Variants in CSMD1 observed in about 807,000 individuals in gnomAD.
CSMD1 encodes the protein CUB and Sushi multiple domains 1, also known as CUB and sushi domain-containing protein 1.
A neutral mutation model predicts 417.5 loss-of-function variants in CSMD1; 213 were observed. That is an observed-to-expected ratio of 0.51 (90% CI 0.46 to 0.57). The LOEUF (loss-of-function observed/expected upper bound fraction) is 0.57. Ranked by LOEUF, CSMD1 falls within the 20% of genes least tolerant of loss-of-function variation. The pLI is 0.00. For synonymous variants in CSMD1, 2,862 were observed against 1,736.8 expected, an observed-to-expected ratio of 1.65 and a Z score of -16.11; for missense variants, 6,923 against 4,529.7, an observed-to-expected ratio of 1.53 and a Z score of -15.17.
At chr8:3,244,327 C>G (rs898097630) in intron 26 of CSMD1, among the ~76,000 whole-genome samples, 3 of 152,192 alleles carry the variant, frequency 2.0e-5, no homozygotes, top group African/African-American at 4.8e-5. Flanking sequence ...ATTTAGGAAT[C>G]AGGCAGTCAC....
At chr8:4,576,550 T>A (rs1799145093) in intron 2 of CSMD1, among the ~76,000 whole-genome samples, 3 of 152,212 alleles carry the variant, frequency 2.0e-5, no homozygotes, top group Admixed American at 2.0e-4. Flanking sequence ...TCTCTCACCT[T>A]TTTTGTTGGC....
chr8:4,085,832 G>C (rs57440608), intron 3 of CSMD1, among the ~76,000 whole-genome samples: 24,527 of 152,092 alleles, frequency 0.16, 2,297 homozygotes, highest in South Asian at 0.34. Context: ...CCAGATAAAA[G>C]TTCTGTGTCC....
intron 2 of CSMD1, among the ~76,000 whole-genome samples, chr8:4,535,759 G>A (rs1457239735): frequency 1.3e-5 from 2 of 152,104 alleles, no homozygotes; most frequent in African/African-American, 4.8e-5. Flanking sequence ...TTGTTAATAG[G>A]TTAGTTCATG....
At chr8:4,533,219 A>G (rs1347209968) in intron 2 of CSMD1, among the ~76,000 whole-genome samples, 3 of 152,236 alleles carry the variant, frequency 2.0e-5, no homozygotes, top group Admixed American at 6.5e-5. Flanking sequence ...TTAAACATGT[A>G]AAGAGCTCAG....
intron 1 of CSMD1, among the ~76,000 whole-genome samples, chr8:4,687,739 T>C (rs1806482508): frequency 6.6e-6 from 1 of 152,088 alleles, no homozygotes; most frequent in Non-Finnish European, 1.5e-5. Flanking sequence ...ACTAGGTTCT[T>C]CTTCTATTTC....
chr8:4,771,637 C>G (rs1796602150), intron 1 of CSMD1, among the ~76,000 whole-genome samples: 1 of 152,120 alleles, frequency 6.6e-6, no homozygotes, highest in South Asian at 2.1e-4. Context: ...CTGATTAACA[C>G]CATGATTTCT....
chr8:2,959,750 T>C (rs541935652), intron 62 of CSMD1, among the ~76,000 whole-genome samples: 53 of 152,252 alleles, frequency 3.5e-4, no homozygotes, highest in African/African-American at 1.3e-3. Context: ...TTTCAGCATA[T>C]GGTGCTAAAG....
intron 6 of CSMD1, among the ~76,000 whole-genome samples, chr8:3,718,689 T>G (rs1801975927): frequency 6.6e-6 from 1 of 152,216 alleles, no homozygotes; most frequent in South Asian, 2.1e-4. Context: ...ATGACTGAAC[T>G]CTTTACTAAT....
intron 41 of CSMD1, among the ~76,000 whole-genome samples, chr8:3,130,818 T>C (rs1299659443): frequency 6.6e-6 from 1 of 152,176 alleles, no homozygotes; most frequent in Admixed American, 6.5e-5. Flanking sequence ...AGCTTCAGCC[T>C]GGGCACGGCT....
chr8:3,326,524 A>G (rs976486100), intron 23 of CSMD1, among the ~76,000 whole-genome samples: 2 of 152,302 alleles, frequency 1.3e-5, no homozygotes, highest in East Asian at 3.9e-4. Flanking sequence ...TTTGGCCCCA[A>G]GTGCCTTATG....
At chr8:3,940,390 T>C (rs534649110) in intron 5 of CSMD1, among the ~76,000 whole-genome samples, 14 of 152,084 alleles carry the variant, frequency 9.2e-5, no homozygotes, top group South Asian at 2.1e-4. Flanking sequence ...GAAAATTATA[T>C]TGAAAATAAT....
intron 1 of CSMD1, among the ~76,000 whole-genome samples, chr8:4,690,971 C>T (rs1426997943): frequency 6.6e-6 from 1 of 152,184 alleles, no homozygotes; most frequent in African/African-American, 2.4e-5. Flanking sequence ...TCATGATCTG[C>T]CTGCCGTGGC....
rs531895015 is a variant in CSMD1 at position 3,791,042 on chromosome 8, A to AT, written c.819-37001dup. The stretch of plus-strand genomic sequence containing the variant: ...TAAAGACTCCACTAAAACCATGATC[A>AT]TTTTTAATATGATTTATGGCTACTT... On this transcript the variant is annotated intron_variant, in intron 5 of 69. Coordinates refer to ENST00000635120, the MANE Select transcript of CSMD1 (RefSeq NM_033225.6). Among the ~76,000 whole-genome samples the AT allele has an allele frequency of 3.2e-4, 48 of 152,340 alleles. 1 individual carries two copies. In the Middle Eastern group the frequency reaches 0.024, roughly 76 times the overall value.
At chr8:3,744,766 G>A (rs1275809622) in intron 6 of CSMD1, among the ~76,000 whole-genome samples, 1 of 152,152 alleles carries the variant, frequency 6.6e-6, no homozygotes, top group Non-Finnish European at 1.5e-5. Context: ...GTACTCTCAA[G>A]ACTTGGTGTA....
intron 3 of CSMD1, among the ~76,000 whole-genome samples, chr8:4,139,783 T>G (rs1036293684): frequency 1.3e-5 from 2 of 151,076 alleles, no homozygotes; most frequent in African/African-American, 2.5e-5. Context: ...GTTTGCACAC[T>G]GAGCTCAGTG....
At chr8:4,144,065 C>A (rs942278013) in intron 3 of CSMD1, among the ~76,000 whole-genome samples, 2 of 151,186 alleles carry the variant, frequency 1.3e-5, no homozygotes, top group Admixed American at 1.3e-4. Context: ...AATGGGGAGA[C>A]GGAAGTTTTT....
chr8:4,449,593 G>C (rs986044986), intron 2 of CSMD1, among the ~76,000 whole-genome samples: 10 of 152,132 alleles, frequency 6.6e-5, no homozygotes, highest in African/African-American at 2.2e-4. Context: ...CCATAATAGA[G>C]ATAATCAATA....
At chr8:4,914,831 T>C (rs992032067) in intron 1 of CSMD1, among the ~76,000 whole-genome samples, 2 of 152,188 alleles carry the variant, frequency 1.3e-5, no homozygotes, top group Non-Finnish European at 2.9e-5. Flanking sequence ...CCTGTGGACA[T>C]CAGGGAGTTT....
intron 3 of CSMD1, among the ~76,000 whole-genome samples, chr8:4,053,196 AAC>A (rs1251154786): frequency 1.3e-5 from 2 of 152,226 alleles, no homozygotes; most frequent in African/African-American, 4.8e-5. Flanking sequence ...CTGAAAATAT[AAC>A]ACGTTATTAA....
Sources: allele counts gnomAD v4.1 joint callset (sites outside exome capture counted in the v4.1 genomes callset), GRCh38; gene constraint gnomAD v4.1.1; transcripts MANE v1.5; gene names NCBI Gene and HGNC (gene_info 2026-07-23, HGNC 2026-07-21).